DGKB: variants seen among roughly 807,000 people sequenced by gnomAD.
The protein encoded by DGKB is 90 kDa diacylglycerol kinase.
A neutral mutation model predicts 114.3 loss-of-function variants in DGKB; 67 were observed. The ratio of observed to expected loss-of-function variants is 0.59; its 90% CI spans 0.48 to 0.72. The LOEUF is 0.72. Among genes scored for constraint, DGKB ranks in the 30% least tolerant of loss-of-function variants. DGKB has a pLI of 0.00. For missense variants in DGKB, 907 were observed against 975.2 expected (o/e 0.93, Z 0.93); for synonymous variants, 398 against 323.1 (o/e 1.23, Z -2.49).
intron 21 of DGKB, among the ~76,000 whole-genome samples, chr7:14,372,170 C>T (rs1817765559): frequency 6.6e-6 from 1 of 152,148 alleles, no homozygotes; most frequent in South Asian, 2.1e-4. Context: ...ATGTGAGTCA[C>T]AGAGGGAGAC....
At chr7:14,502,865 A>C (rs543322747) in intron 20 of DGKB, among the ~76,000 whole-genome samples, 1 of 152,066 alleles carries the variant, frequency 6.6e-6, no homozygotes, top group Non-Finnish European at 1.5e-5. Flanking sequence ...CATAGCTAGG[A>C]TTCTGGCTTT....
intron 13 of DGKB, among the ~76,000 whole-genome samples, chr7:14,652,892 A>G (rs1462101782): frequency 6.6e-6 from 1 of 152,168 alleles, no homozygotes; most frequent in Non-Finnish European, 1.5e-5. Context: ...AGCCAAAAAA[A>G]CACATGAAAA....
intron 21 of DGKB, among the ~76,000 whole-genome samples, chr7:14,421,864 G>C (rs1318859516): frequency 6.6e-6 from 1 of 151,810 alleles, no homozygotes; most frequent in Admixed American, 6.6e-5. Context: ...AACAAATATG[G>C]GGCTCAGAAG....
rs546777535 is a variant in DGKB at position 14,409,468 on chromosome 7, G to A, written c.1836-64077C>T. On this transcript the variant is annotated intron_variant, in intron 21 of 25. Coordinates refer to ENST00000402815, the MANE Select transcript of DGKB (RefSeq NM_001350709.2). ...CACGCCTGTAATCCCAGCACTTTGG[G>A]AGGCCGAGGCGGGTGGATCATGAGG... Among the ~76,000 whole-genome samples the A allele has an allele frequency of 1.8e-4, 2 of 10,914 alleles. 1 individual carries two copies. Among genetic ancestry groups the A allele is most frequent in the African/African-American group, 3.9e-4 (2 of 5,190 alleles). 7.2% of individuals were successfully genotyped at this position (10,914 alleles called of 152,430 possible).
At chr7:14,203,749 A>G (rs1786292384) in intron 23 of DGKB, among the ~76,000 whole-genome samples, 1 of 152,012 alleles carries the variant, frequency 6.6e-6, no homozygotes. Context: ...GAGTTTGTTC[A>G]GATAGGATAA....
Position 14,775,566 on chromosome 7 carries a change from T to C in DGKB, c.71-17835A>G, listed in dbSNP as rs1838038596. On this transcript the variant is annotated intron_variant, in intron 2 of 25. Transcript: ENST00000402815. ...GTGGGAGATAATTGAATCATCGAGA[T>C]GGTTACTTCCATGCTGTTTTTGTGA... 5.3e-5 allele frequency among the ~76,000 whole-genome samples: 8 copies of C among 151,948 alleles called. 1 individual carries two copies. In the South Asian group the frequency reaches 1.7e-3, roughly 32 times the overall value.
intron 1 of DGKB, among the ~76,000 whole-genome samples, chr7:14,885,939 G>T (rs571399527): frequency 6.6e-6 from 1 of 151,230 alleles, no homozygotes; most frequent in Non-Finnish European, 1.5e-5. Context: ...GTGAATCTAC[G>T]GCTAATTTAG....
intron 23 of DGKB, among the ~76,000 whole-genome samples, chr7:14,188,150 C>A (rs1483671620): frequency 6.6e-6 from 1 of 151,602 alleles, no homozygotes; most frequent in East Asian, 1.9e-4. Flanking sequence ...AATAGCCCAG[C>A]CAGAGGAGGG....
chr7:14,183,411 A>G lies in DGKB; in HGVS notation c.2123-5260T>C, dbSNP rs371011422. On this transcript the variant is annotated intron_variant, in intron 23 of 25. Transcript: ENST00000402815. ...GAAGAGTTTTAGCAAAAATTTATTA[A>G]TATAAACTGTGTTTCAGAGTACAAG... Among the ~76,000 whole-genome samples the G allele has an allele frequency of 3.9e-5, 6 of 152,224 alleles. No individual in the cohort carries two copies. The East Asian group carries it at 5.8e-4, about 15-fold the overall frequency.
intron 13 of DGKB, among the ~76,000 whole-genome samples, chr7:14,671,682 C>G (rs1212709253): frequency 6.6e-6 from 1 of 152,082 alleles, no homozygotes; most frequent in East Asian, 1.9e-4. Flanking sequence ...CTTGCACAGA[C>G]AGATGGGTAG....
At chr7:14,217,561 A>G (rs1247421230) in intron 23 of DGKB, among the ~76,000 whole-genome samples, 1 of 152,082 alleles carries the variant, frequency 6.6e-6, no homozygotes, top group Non-Finnish European at 1.5e-5. Context: ...TACCAGGTTT[A>G]TATAAAAGTC....
chr7:14,605,267 A>C (rs1448190766), intron 17 of DGKB, among the ~76,000 whole-genome samples: 1 of 151,708 alleles, frequency 6.6e-6, no homozygotes, highest in East Asian at 1.9e-4. Flanking sequence ...CACCTGCTTT[A>C]GAGTGCAGAA....
chr7:14,497,797 AT>A (rs767591012), intron 20 of DGKB, among the ~76,000 whole-genome samples: 4 of 151,922 alleles, frequency 2.6e-5, no homozygotes, highest in Admixed American at 6.6e-5. Context: ...TTCAGCTGGT[AT>A]TTGAACACAG....
At position 14,199,568 on chromosome 7, in the gene DGKB, A is replaced by T. The variant is rs1001087952; in HGVS notation, c.2123-21417T>A. On this transcript the variant is annotated intron_variant, in intron 23 of 25. Coordinates refer to ENST00000402815, the MANE Select transcript of DGKB (RefSeq NM_001350709.2). ...ACTTAGAAGCAGAAATAAAATCCAC[A>T]TGGTCACATTTCCACAAGGAATGGA... 2.0e-5 allele frequency among the ~76,000 whole-genome samples: 3 copies of T among 152,020 alleles called. No homozygotes were observed. The East Asian group carries it at 5.8e-4, about 29-fold the overall frequency.
intron 2 of DGKB, among the ~76,000 whole-genome samples, chr7:14,830,292 G>A (rs1846234858): frequency 6.6e-6 from 1 of 151,954 alleles, no homozygotes; most frequent in Non-Finnish European, 1.5e-5. Flanking sequence ...TGCTGTGGGA[G>A]TTTGTTCATT....
chr7:14,711,042 A>G (rs2128334395), intron 6 of DGKB, among the ~76,000 whole-genome samples: 1 of 152,204 alleles, frequency 6.6e-6, no homozygotes, highest in South Asian at 2.1e-4. Flanking sequence ...TTGCTTTGAT[A>G]CTTCCCTGAA....
intron 23 of DGKB, among the ~76,000 whole-genome samples, chr7:14,272,720 C>T (rs142310889): frequency 9.1e-4 from 139 of 152,194 alleles, no homozygotes; most frequent in African/African-American, 3.0e-3. Context: ...AAGTGAATCC[C>T]GTAAGAACTA....
At chr7:14,245,491 C>A (rs1287562871) in intron 23 of DGKB, among the ~76,000 whole-genome samples, 1 of 152,118 alleles carries the variant, frequency 6.6e-6, no homozygotes, top group Non-Finnish European at 1.5e-5. Context: ...AGGTATGGAG[C>A]CTGTCTCCAA....
intron 17 of DGKB, among the ~76,000 whole-genome samples, chr7:14,599,920 T>C (rs1803245223): frequency 6.6e-6 from 1 of 152,312 alleles, no homozygotes; most frequent in African/African-American, 2.4e-5. Context: ...AAGTAAAATA[T>C]GTTATTTATT....
Sources: gnomAD v4.1 joint callset for allele counts (sites outside exome capture counted in the v4.1 genomes callset) on GRCh38, gnomAD v4.1.1 for gene constraint, MANE v1.5 for transcripts, NCBI Gene and HGNC (gene_info 2026-07-23, HGNC 2026-07-21) for gene names.